Variants in CPNE4 observed in about 807,000 individuals in gnomAD.
The protein encoded by CPNE4 is copine-4.
Under a neutral mutation model 67.9 loss-of-function variants are expected in CPNE4, and 25 were observed. The ratio of observed to expected loss-of-function variants is 0.37; its 90% CI spans 0.27 to 0.51. CPNE4 has a LOEUF of 0.51. CPNE4 is among the 20% of genes least tolerant of loss of function. CPNE4 has a pLI of 0.93. For synonymous variants in CPNE4, 242 were observed against 244.9 expected (o/e 0.99, Z 0.11); for missense variants, 464 against 690.8 (o/e 0.67, Z 3.68).
intron 1 of CPNE4, among the ~76,000 whole-genome samples, chr3:132,012,930 T>A (rs1388742807): frequency 6.6e-6 from 1 of 152,152 alleles, no homozygotes; most frequent in Admixed American, 6.5e-5. Context: ...ATTTAAGAAT[T>A]CATGTATCTT....
chr3:131,654,900 A>G (rs2079912523), intron 7 of CPNE4, among the ~76,000 whole-genome samples: 1 of 152,224 alleles, frequency 6.6e-6, no homozygotes, highest in African/African-American at 2.4e-5. Context: ...CCCACTGCAT[A>G]GAATTATCCA....
chr3:131,935,527 A>G (rs1222962074), intron 1 of CPNE4, among the ~76,000 whole-genome samples: 1 of 152,158 alleles, frequency 6.6e-6, no homozygotes, highest in Non-Finnish European at 1.5e-5. Context: ...AAAGAAGGCA[A>G]GGAGCCAAGA....
At position 131,840,079 on chromosome 3, in the gene CPNE4, G is replaced by T. The variant is rs191284625; in HGVS notation, c.180+65185C>A. ...TGAGGGAGAACTTGGTGAGTGCCAT[G>T]AGGGGTTAGGTTAGTAAAGGGAAAA... On this transcript the variant is annotated intron_variant, in intron 2 of 15. Coordinates refer to ENST00000429747, the MANE Select transcript of CPNE4 (RefSeq NM_130808.3). 2.0e-5 allele frequency among the ~76,000 whole-genome samples: 3 copies of T among 152,284 alleles called. No individual in the cohort carries two copies. The South Asian group carries it at 6.2e-4, about 32-fold the overall frequency.
At chr3:131,617,909 GTCAT>G (rs1582900290) in intron 7 of CPNE4, among the ~76,000 whole-genome samples, 1 of 152,172 alleles carries the variant, frequency 6.6e-6, no homozygotes. Context: ...CATCAGTCAA[GTCAT>G]TCATTCATTC....
chr3:131,656,908 T>C (rs1178889856), intron 7 of CPNE4, among the ~76,000 whole-genome samples: 1 of 152,110 alleles, frequency 6.6e-6, no homozygotes, highest in East Asian at 1.9e-4. Flanking sequence ...GAGGGACAGG[T>C]GGGAATTTCA....
In CPNE4 at chr3:131,741,803, C is replaced by A. The variant is rs191243128; in HGVS notation, c.181-18178G>T. Among the ~76,000 whole-genome samples the A allele has an allele frequency of 5.0e-4, 76 of 152,312 alleles. 1 individual carries two copies. Among genetic ancestry groups the A allele is most frequent in the Non-Finnish European group, 2.9e-5 (2 of 68,030 alleles). The stretch of plus-strand genomic sequence containing the variant: ...CTGCAGAGGCTGAAAATGCCAGATG[C>A]TCACTATCTTGGCCTCCCCTGTAGC... On this transcript the variant is annotated intron_variant, in intron 2 of 15. Transcript: ENST00000429747.
chr3:131,581,902 C>A (rs1357504120), intron 8 of CPNE4, among the ~76,000 whole-genome samples: 4 of 152,158 alleles, frequency 2.6e-5, no homozygotes, highest in Non-Finnish European at 5.9e-5. Flanking sequence ...TGACTTTTGG[C>A]AAGTTACTTG....
intron 7 of CPNE4, among the ~76,000 whole-genome samples, chr3:131,659,878 T>C (rs1161139798): frequency 2.0e-5 from 3 of 152,180 alleles, no homozygotes; most frequent in Non-Finnish European, 4.4e-5. Context: ...CATTAAATAC[T>C]CTGTAGTACA....
chr3:131,988,330 C>T (rs1438341108), intron 1 of CPNE4, among the ~76,000 whole-genome samples: 4 of 152,186 alleles, frequency 2.6e-5, no homozygotes, highest in African/African-American at 4.8e-5. Flanking sequence ...GGATTCTGGT[C>T]TTTGTCTTAA....
chr3:131,785,383 C>T (rs922730655), intron 2 of CPNE4, among the ~76,000 whole-genome samples: 1 of 152,012 alleles, frequency 6.6e-6, no homozygotes, highest in Non-Finnish European at 1.5e-5. Context: ...CATTACCTCC[C>T]TCACCTCCTT....
chr3:131,953,379 C>A (rs116206760), intron 1 of CPNE4, among the ~76,000 whole-genome samples: 1 of 151,126 alleles, frequency 6.6e-6, no homozygotes, highest in Admixed American at 6.6e-5. Flanking sequence ...CTTGATTATG[C>A]GGAAGTATAT....
In CPNE4 at chr3:131,776,724, T is replaced by A. The variant is rs1583180061; in HGVS notation, c.181-53099A>T. ...TCCCCCAAACCATCAAAAATGGGGC[T>A]GCCTCGCCTAATACAAAACATTTAT... On this transcript the variant is annotated intron_variant, in intron 2 of 15. Coordinates refer to ENST00000429747, the MANE Select transcript of CPNE4 (RefSeq NM_130808.3). 2.6e-5 allele frequency among the ~76,000 whole-genome samples: 4 copies of A among 152,258 alleles called. No homozygotes were observed. In the Middle Eastern group the frequency reaches 0.014, roughly 518 times the overall value.
chr3:131,708,995 T>TATATATATATATATATATATAC (rs1366246304), intron 3 of CPNE4, among the ~76,000 whole-genome samples: 13 of 109,084 alleles, frequency 1.2e-4, no homozygotes, highest in East Asian at 5.3e-4. Flanking sequence ...TATATATATA[T>TATATATATATATATATATATAC]ACATACACAC....
chr3:131,802,453 G>C (rs1358356889), intron 2 of CPNE4, among the ~76,000 whole-genome samples: 1 of 152,146 alleles, frequency 6.6e-6, no homozygotes, highest in African/African-American at 2.4e-5. Flanking sequence ...CTTCTGGTTT[G>C]CACAGAAGAA....
chr3:131,668,023 C>T (rs2080307891), intron 7 of CPNE4, among the ~76,000 whole-genome samples: 1 of 152,102 alleles, frequency 6.6e-6, no homozygotes, highest in Non-Finnish European at 1.5e-5. Flanking sequence ...ACATGAAGGA[C>T]CAAATAGCCA....
In CPNE4 at chr3:131,728,541, T is replaced by G. The variant is rs144743550; in HGVS notation, c.181-4916A>C. Among the ~76,000 whole-genome samples the G allele has an allele frequency of 5.5e-3, 837 of 152,198 alleles. 6 individuals carry two copies. Among genetic ancestry groups the G allele is most frequent in the African/African-American group, 0.019 (803 of 41,538 alleles). ...GGAAAGTCAATGATTGAGGCTGCAG[T>G]TGTGTCTCTGGAGATCTGATTTATC... On this transcript the variant is annotated intron_variant, in intron 2 of 15. Coordinates refer to ENST00000429747, the MANE Select transcript of CPNE4 (RefSeq NM_130808.3).
intron 2 of CPNE4, among the ~76,000 whole-genome samples, chr3:131,815,380 C>G (rs1363014158): frequency 6.6e-6 from 1 of 152,142 alleles, no homozygotes; most frequent in African/African-American, 2.4e-5. Context: ...CATCTAAGAG[C>G]ACCTGAAATA....
intron 11 of CPNE4, among the ~76,000 whole-genome samples, chr3:131,563,598 A>G (rs1333744674): frequency 6.6e-6 from 1 of 152,062 alleles, no homozygotes; most frequent in Non-Finnish European, 1.5e-5. Flanking sequence ...GCACCTGGCT[A>G]CATACATGTG....
chr3:131,873,705 C>T (rs2087314013), intron 2 of CPNE4, among the ~76,000 whole-genome samples: 2 of 152,308 alleles, frequency 1.3e-5, no homozygotes, highest in South Asian at 4.2e-4. Flanking sequence ...CCTGAGAAGT[C>T]CACTCTCTAG....
Sources: allele counts gnomAD v4.1 joint callset (sites outside exome capture counted in the v4.1 genomes callset), GRCh38; gene constraint gnomAD v4.1.1; transcripts MANE v1.5; gene names NCBI Gene and HGNC (gene_info 2026-07-23, HGNC 2026-07-21).